The following GOLGB1 variants were observed in gnomAD, a reference collection of about 807,000 sequenced individuals.
The protein encoded by GOLGB1 is golgin subfamily B member 1.
GOLGB1 carries 174 observed loss-of-function variants against 336.9 expected under a neutral mutation model. The observed-to-expected ratio is 0.52, with a 90% CI of 0.46 to 0.59. The LOEUF (loss-of-function observed/expected upper bound fraction) is 0.59. Among genes scored for constraint, GOLGB1 ranks in the 20% least tolerant of loss-of-function variants. The pLI is 0.00. For missense variants in GOLGB1, 3,331 were observed against 3,645.3 expected, an observed-to-expected ratio of 0.91 and a Z score of 2.22; for synonymous variants, 1,208 against 1,289.2, an observed-to-expected ratio of 0.94 and a Z score of 1.35.
rs759783075 is a variant in GOLGB1, at chr3:121,729,174, C to A, written c.402+14G>T. The stretch of plus-strand genomic sequence containing the variant: ...TTCAACTTAGGAAATATACACTACA[C>A]CCAGTCACCATACCTTGGAAAGTTG... On this transcript the variant is annotated intron_variant, in intron 4 of 21. Transcript: ENST00000614479. The A allele has an allele frequency of 2.5e-6, 4 of 1,588,618 alleles. No individual in the cohort carries two copies. In the East Asian group the frequency reaches 9.0e-5, roughly 36 times the overall value.
intron 19 of GOLGB1, 108 bp from the exon 20 acceptor site, chr3:121,667,718 G>A (rs919582101): frequency 4.0e-5 from 38 of 959,714 alleles, no homozygotes; most frequent in Non-Finnish European, 5.1e-5. Flanking sequence ...ATCCATAGAA[G>A]CTTGTCTAAA....
rs1938174700 is a variant in GOLGB1 at position 121,663,310 on chromosome 3, C to A, written c.*1170G>T. On this transcript the variant is annotated 3_prime_UTR_variant, in exon 22 of 22. Coordinates refer to ENST00000614479, the MANE Select transcript of GOLGB1 (RefSeq NM_001366282.2). ...GATTTAGAGCAGATCAGTCAGCCCACTTGTCTTCTCTCTTCTTTAGGGAGA... is the reference window on the plus strand; with the variant it reads ...GATTTAGAGCAGATCAGTCAGCCCAATTGTCTTCTCTCTTCTTTAGGGAGA... 6.6e-6 allele frequency: 1 copy of A among 152,190 alleles called. No homozygotes were observed. The highest frequency in any genetic ancestry group is 1.5e-5 in the Non-Finnish European group (1 of 68,052). The allele number at this position is 152,190 out of a possible 1,614,324, so 9.4% of individuals were successfully genotyped here.
Position 121,663,574 on chromosome 3 carries a change from A to C in GOLGB1, c.*906T>G, listed in dbSNP as rs750768124. 1 of 152,208 alleles carries C rather than the reference A, an allele frequency of 6.6e-6. No individual in the cohort carries two copies. The highest frequency in any genetic ancestry group is 2.4e-5 in the African/African-American group (1 of 41,456). 9.4% of individuals were successfully genotyped at this position (152,208 alleles called of 1,614,324 possible). On this transcript the variant is annotated 3_prime_UTR_variant, in exon 22 of 22. Transcript: ENST00000614479. ...TAACAGCAAAGTAGCTTAGTACTTC[A>C]AGAGGTCAGGAGTTGCAGTGTGGTG...
chr3:121,690,403 C>T (rs1032211542), intron 14 of GOLGB1, among the ~76,000 whole-genome samples: 5 of 152,140 alleles, frequency 3.3e-5, no homozygotes, highest in African/African-American at 4.8e-5. Flanking sequence ...AAACAGTTCT[C>T]CACCTCTTAG....
intron 1 of GOLGB1, among the ~76,000 whole-genome samples, chr3:121,732,705 A>G (rs1448260079): frequency 6.6e-6 from 1 of 152,226 alleles, no homozygotes; most frequent in Non-Finnish European, 1.5e-5. Flanking sequence ...ATTCATTCTC[A>G]GCAAACTAAG....
rs527732460 is a variant in GOLGB1 at position 121,709,736 on chromosome 3, A to G, written c.1404+5125T>C. Among the ~76,000 whole-genome samples, 3 of 152,330 alleles carry G rather than the reference A, an allele frequency of 2.0e-5. No individual in the cohort carries two copies. In the East Asian group the frequency reaches 5.8e-4, roughly 29 times the overall value. ...AAAGAAGACTTGAAATCTTTGATAC[A>G]AAGTTTCACCTTAAGAAGCTATAAA... On this transcript the variant is annotated intron_variant, in intron 10 of 21. Transcript: ENST00000614479.
chr3:121,712,742 T>G (rs1944448324), intron 10 of GOLGB1, among the ~76,000 whole-genome samples: 1 of 152,158 alleles, frequency 6.6e-6, no homozygotes, highest in African/African-American at 2.4e-5. Flanking sequence ...AATGCAAATT[T>G]AAACCACAAT....
At chr3:121,717,558 G>A (rs1189274671) in intron 8 of GOLGB1, among the ~76,000 whole-genome samples, 2 of 152,164 alleles carry the variant, frequency 1.3e-5, no homozygotes, top group Non-Finnish European at 2.9e-5. Context: ...TGAGAATGAA[G>A]ATCAGGACAA....
chr3:121,714,815 G>T, intron 10 of GOLGB1, 46 bp downstream of exon 10: 2 of 1,168,142 alleles, frequency 1.7e-6, no homozygotes, highest in Non-Finnish European at 2.6e-6. Context: ...TACAGATACA[G>T]CAAAGACAAA....
chr3:121,721,347 C>G (rs758126211), intron 6 of GOLGB1, among the ~76,000 whole-genome samples: 2 of 152,152 alleles, frequency 1.3e-5, no homozygotes, highest in Non-Finnish European at 1.5e-5. Flanking sequence ...GCCCCCACCC[C>G]CCAAAAAAAA....
In GOLGB1 at chr3:121,697,681, C is replaced by T. The variant is rs1255212669; in HGVS notation, c.2842G>A (p.Glu948Lys). ...EQLNLLSRAE[E>K]AKKEQVEEDN... ...TCTTCCACCTGCTCTTTTTTTGCTT[C>T]CTCAGCTCTGGATAATAAATTTAGC... Residue 948 changes from glutamate to lysine, a missense_variant, in exon 13 of 22, where the codon GAA becomes AAA. Transcript: ENST00000614479. 2 of 1,611,316 alleles carry T rather than the reference C, an allele frequency of 1.2e-6. No individual in the cohort carries two copies. The highest frequency in any genetic ancestry group is 1.7e-6 in the Non-Finnish European group (2 of 1,179,376).
intron 7 of GOLGB1, 46 bp downstream of exon 7, chr3:121,719,600 A>G: frequency 6.5e-7 from 1 of 1,536,006 alleles, no homozygotes. Context: ...GATGGATTAA[A>G]TATTAACCAA....
intron 14 of GOLGB1, among the ~76,000 whole-genome samples, chr3:121,684,912 G>A (rs984752932): frequency 1.3e-5 from 2 of 152,164 alleles, no homozygotes; most frequent in African/African-American, 4.8e-5. Flanking sequence ...TAGGAGTACA[G>A]GGCCACTGGT....
intron 1 of GOLGB1, among the ~76,000 whole-genome samples, chr3:121,745,253 G>A (rs1017417828): frequency 1.3e-4 from 19 of 151,338 alleles, no homozygotes; most frequent in African/African-American, 4.6e-4. Context: ...CATAGTCATA[G>A]TCATAAATCT....
At chr3:121,674,461 T>C (rs1214006900) in intron 17 of GOLGB1, among the ~76,000 whole-genome samples, 1 of 152,228 alleles carries the variant, frequency 6.6e-6, no homozygotes, top group Non-Finnish European at 1.5e-5. Context: ...ATATAAATAG[T>C]TGTTATACTG....
rs746649684 is a variant in GOLGB1 at position 121,683,053 on chromosome 3, A to ATTTTTTTTTTTTTTTTTTTTTTTTT, written c.8695-1213_8695-1189dup. ...GCTGCTTAAGAAGCAATTTCTTTTA[A>ATTTTTTTTTTTTTTTTTTTTTTTTT]TTTTTTTTTTTTTTTTTTTTTTTTT... is the stretch of plus-strand genomic sequence containing the variant. On this transcript the variant is annotated intron_variant, in intron 14 of 21. Transcript: ENST00000614479. Among the ~76,000 whole-genome samples, 33 of 82,498 alleles carry ATTTTTTTTTTTTTTTTTTTTTTTTT rather than the reference A, an allele frequency of 4.0e-4. 7 individuals carry two copies. Among genetic ancestry groups the ATTTTTTTTTTTTTTTTTTTTTTTTT allele is most frequent in the Non-Finnish European group, 5.8e-4 (24 of 41,534 alleles). The allele number at this position is 82,498 out of a possible 152,430, so 54.1% of individuals were successfully genotyped here.
In GOLGB1 at chr3:121,665,010, G is replaced by A. The variant is rs749095334; in HGVS notation, c.9576C>T (p.Asp3192=). 8.1e-6 allele frequency: 13 copies of A among 1,607,312 alleles called. No homozygotes were observed. In the Admixed American group the frequency reaches 2.2e-4, roughly 27 times the overall value. Residue 3192 remains aspartate (D), a synonymous_variant, in exon 21 of 22, where the codon GAC becomes GAT. Coordinates refer to ENST00000614479, the MANE Select transcript of GOLGB1 (RefSeq NM_001366282.2). ...AGCCAATGATAGGAGTCCGGGAAGA[G>A]TCCCATTCACTGTGCTCTAACCTGA... The part of the protein sequence containing the change: ...QIRRLEHSEW[D]SSRTPIIGSC...
Position 121,664,528 on chromosome 3 carries a change from A to C in GOLGB1, c.9747T>G (p.Phe3249Leu). 2.5e-6 allele frequency: 4 copies of C among 1,613,818 alleles called. No individual in the cohort carries two copies. The highest frequency in any genetic ancestry group is 3.4e-6 in the Non-Finnish European group (4 of 1,179,660). ...TRVPLLAAIY[F>L]LMIHVLLILC... ...GAATGAGCAGGACATGAATCATTAG[A>C]AAGTAGATGGCTGCTAGAAGTGGCA... Residue 3249 changes from phenylalanine to leucine, a missense_variant, in exon 22 of 22, where the codon TTT becomes TTG. By Grantham distance (22) the Phe-to-Leu change is conservative. Coordinates refer to ENST00000614479, the MANE Select transcript of GOLGB1 (RefSeq NM_001366282.2).
chr3:121,711,739 AATATTAACT>A (rs1944375654), intron 10 of GOLGB1, among the ~76,000 whole-genome samples: 1 of 152,208 alleles, frequency 6.6e-6, no homozygotes. Context: ...TAGTATCAAA[AATATTAACT>A]ACTTCAGAAT....
Sources: gnomAD v4.1 joint callset for allele counts (sites outside exome capture counted in the v4.1 genomes callset) on GRCh38, gnomAD v4.1.1 for gene constraint, MANE v1.5 for transcripts, NCBI Gene and HGNC (gene_info 2026-07-23, HGNC 2026-07-21) for gene names.